The following CCDC148 variants were observed in gnomAD, a reference collection of about 807,000 sequenced individuals.
CCDC148 encodes the protein coiled-coil domain-containing protein 148.
A neutral mutation model predicts 85.7 loss-of-function variants in CCDC148; 89 were observed. That is an observed-to-expected ratio of 1.04 (90% CI 0.87 to 1.24). The LOEUF is 1.24. CCDC148 is among the 50% of genes most tolerant of loss of function. The pLI, the probability that CCDC148 is intolerant of heterozygous loss-of-function variation, is 0.00. For missense variants in CCDC148, 692 were observed against 671.7 expected, an observed-to-expected ratio of 1.03 and a Z score of -0.33; for synonymous variants, 230 against 213.9, an observed-to-expected ratio of 1.08 and a Z score of -0.66.
intron 11 of CCDC148, among the ~76,000 whole-genome samples, chr2:158,202,153 G>A (rs999072361): frequency 6.6e-6 from 1 of 152,174 alleles, no homozygotes; most frequent in Non-Finnish European, 1.5e-5. Context: ...AGGTGGGAGA[G>A]AAAGAAAAAT....
At chr2:158,392,953 T>C (rs1220118327) in intron 1 of CCDC148, among the ~76,000 whole-genome samples, 2 of 152,112 alleles carry the variant, frequency 1.3e-5, no homozygotes, top group Admixed American at 1.3e-4. Flanking sequence ...GGCTTTTTCC[T>C]GTCATTTGTG....
chr2:158,365,508 G>A (rs1684158312), intron 1 of CCDC148, among the ~76,000 whole-genome samples: 1 of 152,158 alleles, frequency 6.6e-6, no homozygotes, highest in African/African-American at 2.4e-5. Flanking sequence ...CCTTTGCAGG[G>A]ACATGGATGA....
At chr2:158,267,910 T>C (rs1049850374) in intron 9 of CCDC148, among the ~76,000 whole-genome samples, 1 of 152,160 alleles carries the variant, frequency 6.6e-6, no homozygotes, top group African/African-American at 2.4e-5. Context: ...TCCATGTTGT[T>C]CCATGTATGA....
At chr2:158,449,403 T>C (rs1559152915) in intron 1 of CCDC148, among the ~76,000 whole-genome samples, 1 of 151,894 alleles carries the variant, frequency 6.6e-6, no homozygotes, top group Non-Finnish European at 1.5e-5. Context: ...CTTATTTTAT[T>C]CTCCCATCCA....
intron 9 of CCDC148, among the ~76,000 whole-genome samples, chr2:158,258,092 T>C (rs902099695): frequency 1.3e-5 from 2 of 151,886 alleles, no homozygotes; most frequent in African/African-American, 4.8e-5. Context: ...AACTGGATCA[T>C]GAAATCAATT....
chr2:158,381,751 G>A (rs955059664), intron 1 of CCDC148, among the ~76,000 whole-genome samples: 4 of 152,116 alleles, frequency 2.6e-5, no homozygotes, highest in African/African-American at 9.7e-5. Flanking sequence ...CTAGCCGAGT[G>A]TGGTGTTGCA....
intron 1 of CCDC148, among the ~76,000 whole-genome samples, chr2:158,441,139 G>A (rs1687914844): frequency 6.6e-6 from 1 of 152,134 alleles, no homozygotes; most frequent in African/African-American, 2.4e-5. Context: ...AAATAGACCA[G>A]CAATTCCAGG....
Position 158,171,994 on chromosome 2 carries a change from T to C in CCDC148, c.*119A>G, listed in dbSNP as rs1488069546. The C allele has an allele frequency of 2.6e-6, 2 of 772,156 alleles. No homozygotes were observed. Among genetic ancestry groups the C allele is most frequent in the East Asian group, 2.9e-5 (1 of 34,182 alleles). The allele number at this position is 772,156 out of a possible 1,614,324, so 47.8% of individuals were successfully genotyped here. On this transcript the variant is annotated 3_prime_UTR_variant, in exon 14 of 14. Coordinates refer to ENST00000283233, the MANE Select transcript of CCDC148 (RefSeq NM_138803.4). Reference sequence around the variant, plus strand: ...CAAAAGAAAGGCAAAGTTGTTTTAATAGATGCTATGATTTCTATGTCTGAT... The same window carrying C: ...CAAAAGAAAGGCAAAGTTGTTTTAACAGATGCTATGATTTCTATGTCTGAT...
chr2:158,329,889 T>C (rs1037636384), intron 7 of CCDC148, among the ~76,000 whole-genome samples: 1 of 152,190 alleles, frequency 6.6e-6, no homozygotes, highest in Non-Finnish European at 1.5e-5. Context: ...AAGTTACCTA[T>C]TAGCTAAGGA....
intron 1 of CCDC148, among the ~76,000 whole-genome samples, chr2:158,429,364 GAT>G (rs374896608): frequency 0.044 from 4,403 of 99,084 alleles, 107 homozygotes; most frequent in Non-Finnish European, 0.07. Flanking sequence ...AGCATGAATA[GAT>G]AGATAGATAG....
At chr2:158,273,754 A>G (rs1689801644) in intron 9 of CCDC148, among the ~76,000 whole-genome samples, 2 of 152,094 alleles carry the variant, frequency 1.3e-5, no homozygotes, top group African/African-American at 2.4e-5. Flanking sequence ...CCATCCCTCC[A>G]TCACTAACTC....
At position 158,408,281 on chromosome 2, in the gene CCDC148, C is replaced by T. The variant is rs189188062; in HGVS notation, c.25+48134G>A. Among the ~76,000 whole-genome samples, 639 of 152,102 alleles carry T rather than the reference C, an allele frequency of 4.2e-3. 13 individuals are homozygous for T. Among genetic ancestry groups the T allele is most frequent in the East Asian group, 5.0e-3 (26 of 5,172 alleles). On this transcript the variant is annotated intron_variant, in intron 1 of 13. Transcript: ENST00000283233. ...ACCCTTTTAGCAAATTTCAAATATA[C>T]AATACAGTATTATTAACTATAGTCA...
chr2:158,235,500 T>C (rs1428100163), intron 10 of CCDC148, among the ~76,000 whole-genome samples: 1 of 152,172 alleles, frequency 6.6e-6, no homozygotes, highest in Non-Finnish European at 1.5e-5. Context: ...GAAAATGCTA[T>C]CCATTGAGTG....
chr2:158,290,839 G>A (rs949501885), intron 9 of CCDC148, among the ~76,000 whole-genome samples: 4 of 151,984 alleles, frequency 2.6e-5, no homozygotes, highest in African/African-American at 9.7e-5. Flanking sequence ...AATATTTGTT[G>A]GATTAATGAA....
At chr2:158,247,078 C>A (rs1252577745) in intron 10 of CCDC148, among the ~76,000 whole-genome samples, 1 of 152,002 alleles carries the variant, frequency 6.6e-6, no homozygotes, top group Non-Finnish European at 1.5e-5. Context: ...AATTAAAAGG[C>A]AAATGACCAA....
intron 2 of CCDC148, among the ~76,000 whole-genome samples, chr2:158,345,668 T>A (rs1323114551): frequency 6.6e-6 from 1 of 152,200 alleles, no homozygotes; most frequent in African/African-American, 2.4e-5. Context: ...GGATTTATCT[T>A]CCCTGTCAGG....
At chr2:158,280,740 T>C (rs1389132097) in intron 9 of CCDC148, among the ~76,000 whole-genome samples, 2 of 152,054 alleles carry the variant, frequency 1.3e-5, no homozygotes, top group East Asian at 1.9e-4. Context: ...TCAACAAGGA[T>C]ACCCAGGAAT....
intron 10 of CCDC148, among the ~76,000 whole-genome samples, chr2:158,227,843 C>T (rs1687632736): frequency 6.6e-6 from 1 of 152,100 alleles, no homozygotes; most frequent in Non-Finnish European, 1.5e-5. Flanking sequence ...AGACCTAAAA[C>T]CATAAAAACC....
At chr2:158,222,353 G>C (rs535265983) in intron 10 of CCDC148, among the ~76,000 whole-genome samples, 1 of 152,106 alleles carries the variant, frequency 6.6e-6, no homozygotes, top group African/African-American at 2.4e-5. Flanking sequence ...GGCCCCAGGC[G>C]TATGTTATAC....
Sources: gnomAD v4.1 joint callset for allele counts (sites outside exome capture counted in the v4.1 genomes callset) on GRCh38, gnomAD v4.1.1 for gene constraint, MANE v1.5 for transcripts, NCBI Gene and HGNC (gene_info 2026-07-23, HGNC 2026-07-21) for gene names.